Variants in CCDC170 observed in about 807,000 individuals in gnomAD.
The protein encoded by CCDC170 is coiled-coil domain containing 170, also known as coiled-coil domain-containing protein 170.
Under a neutral mutation model 72.6 loss-of-function variants are expected in CCDC170, and 69 were observed. The observed-to-expected ratio is 0.95, with a 90% CI of 0.78 to 1.16. The LOEUF (loss-of-function observed/expected upper bound fraction) is 1.16, where lower values mean the gene tolerates loss of function less well. CCDC170 is among the 50% of genes most tolerant of loss of function. The pLI, the probability that CCDC170 is intolerant of heterozygous loss-of-function variation, is 0.00. For missense variants in CCDC170, 852 were observed against 832.5 expected, an observed-to-expected ratio of 1.02 and a Z score of -0.29; for synonymous variants, 300 against 303.9, an observed-to-expected ratio of 0.99 and a Z score of 0.13.
At chr6:151,600,718 G>T (rs865965037) in intron 9 of CCDC170, among the ~76,000 whole-genome samples, 7 of 150,712 alleles carry the variant, frequency 4.6e-5, no homozygotes, top group Admixed American at 6.6e-5. Flanking sequence ...CATTTCTATG[G>T]TTTTTTTTTA....
Position 151,593,195 on chromosome 6 carries a change from T to A in CCDC170, c.1382T>A (p.Val461Asp). ...GGCTTTGACATGCGGCTGGACGTGG[T>A]TTTAGCTCGAACAGAGCAGCTGGTT... ...ELGFDMRLDV[V>D]LARTEQLVRL... The change falls in exon 8 of 11, where the codon GTT becomes GAT. Residue 461 changes from valine (V) to aspartate (D), a missense_variant. Transcript: ENST00000239374. The A allele has an allele frequency of 6.2e-7, 1 of 1,614,142 alleles. No homozygotes were observed. Among genetic ancestry groups the A allele is most frequent in the Non-Finnish European group, 8.5e-7 (1 of 1,180,012 alleles).
At chr6:151,501,739 A>G (rs888231913) in intron 1 of CCDC170, among the ~76,000 whole-genome samples, 1 of 152,166 alleles carries the variant, frequency 6.6e-6, no homozygotes, top group Non-Finnish European at 1.5e-5. Context: ...ACCAAATATA[A>G]TGTGTAGTGT....
intron 1 of CCDC170, among the ~76,000 whole-genome samples, chr6:151,519,066 A>G (rs1370586301): frequency 1.3e-5 from 2 of 152,210 alleles, no homozygotes; most frequent in African/African-American, 4.8e-5. Flanking sequence ...ACAGGGCTCA[A>G]GAGCAGAGAA....
Position 151,539,618 on chromosome 6 carries a change from C to A in CCDC170, c.443+1317C>A, listed in dbSNP as rs181576866. Among the ~76,000 whole-genome samples, 148 of 152,302 alleles carry A rather than the reference C, an allele frequency of 9.7e-4. 1 individual carries two copies. The highest frequency in any genetic ancestry group is 3.4e-3 in the Middle Eastern group (1 of 294). On this transcript the variant is annotated intron_variant, in intron 3 of 10. Coordinates refer to ENST00000239374, the MANE Select transcript of CCDC170 (RefSeq NM_025059.4). ...TCTCATTTGTGTCTAAATTTACTCT[C>A]TTGGTGATATCATTTAGTTTCATGG...
rs992555456 is a variant in CCDC170 at position 151,592,634 on chromosome 6, A to G, written c.1294-473A>G. On this transcript the variant is annotated intron_variant, in intron 7 of 10. Coordinates refer to ENST00000239374, the MANE Select transcript of CCDC170 (RefSeq NM_025059.4). ...TGCGGGAAACTGCCCCCATGATTCA[A>G]TTATCTTCCACTAGGTCCCTCCCAC... 3.3e-5 allele frequency among the ~76,000 whole-genome samples: 5 copies of G among 152,222 alleles called. 1 individual carries two copies. The highest frequency in any genetic ancestry group is 3.3e-4 in the Admixed American group (5 of 15,302).
chr6:151,502,996 C>T (rs1425662275), intron 1 of CCDC170, among the ~76,000 whole-genome samples: 4 of 152,036 alleles, frequency 2.6e-5, no homozygotes, highest in South Asian at 2.1e-4. Context: ...GGTGAAACCC[C>T]GTCTCTACTA....
chr6:151,601,909 A>G (rs76899931), intron 9 of CCDC170, among the ~76,000 whole-genome samples: 8,703 of 152,316 alleles, frequency 0.057, 300 homozygotes, highest in South Asian at 0.094. Flanking sequence ...AAAATTAACC[A>G]TCATAATTCC....
intron 1 of CCDC170, among the ~76,000 whole-genome samples, chr6:151,528,734 A>G (rs573849049): frequency 6.7e-6 from 1 of 149,606 alleles, no homozygotes; most frequent in African/African-American, 2.5e-5. Context: ...GCTACTTGGG[A>G]GGCTGAGGCA....
At chr6:151,614,661 T>G (rs1583053075) in intron 9 of CCDC170, among the ~76,000 whole-genome samples, 1 of 148,468 alleles carries the variant, frequency 6.7e-6, no homozygotes, top group African/African-American at 2.5e-5. Context: ...GTAGAGATGG[T>G]GTTTCACCAT....
intron 5 of CCDC170, among the ~76,000 whole-genome samples, chr6:151,572,649 G>GGTTTTTTTTTTTTTTTTTTT (rs1776234680): frequency 7.9e-5 from 3 of 37,988 alleles, no homozygotes; most frequent in African/African-American, 3.7e-4. Flanking sequence ...CCTTCTCTGT[G>GGTTTTTTTTTTTTTTTTTTT]TTTTTTTTTT....
intron 7 of CCDC170, among the ~76,000 whole-genome samples, chr6:151,586,945 C>T (rs184026059): frequency 1.6e-4 from 24 of 151,816 alleles, no homozygotes; most frequent in African/African-American, 2.4e-4. Context: ...CCACCACGCC[C>T]GGCTAATTTT....
chr6:151,589,903 G>A (rs1475381416), intron 7 of CCDC170, among the ~76,000 whole-genome samples: 1 of 152,012 alleles, frequency 6.6e-6, no homozygotes, highest in African/African-American at 2.4e-5. Flanking sequence ...AGCCTTCTGG[G>A]AGTGGCAGGA....
chr6:151,571,564 C>T (rs1033944632), intron 5 of CCDC170, among the ~76,000 whole-genome samples: 2 of 152,120 alleles, frequency 1.3e-5, no homozygotes, highest in South Asian at 2.1e-4. Context: ...CCTGTCTCTA[C>T]TAAAAATACA....
At position 151,620,512 on chromosome 6, in the gene CCDC170, A is replaced by G. The variant is rs1777045000; in HGVS notation, c.*2365A>G. 6.6e-6 allele frequency: 1 copy of G among 152,178 alleles called. No homozygotes were observed. The highest frequency in any genetic ancestry group is 1.5e-5 in the Non-Finnish European group (1 of 68,072). The allele number at this position is 152,178 out of a possible 1,614,324, so 9.4% of individuals were successfully genotyped here. ...ACCAACCCCTTTTCACATGCTCCAAAGATGTAGTAGTGTCTGCTGTTTTGG... is the reference window on the plus strand; with the variant it reads ...ACCAACCCCTTTTCACATGCTCCAAGGATGTAGTAGTGTCTGCTGTTTTGG... On this transcript the variant is annotated 3_prime_UTR_variant, in exon 11 of 11. Coordinates refer to ENST00000239374, the MANE Select transcript of CCDC170 (RefSeq NM_025059.4).
At chr6:151,537,948 A>G (rs557887727) in intron 2 of CCDC170, 97 bp from the exon 3 acceptor site, 2 of 1,199,784 alleles carry the variant, frequency 1.7e-6, no homozygotes, top group African/African-American at 1.5e-5. Context: ...CATGAATAAA[A>G]GAGTGAACAT....
At chr6:151,613,739 C>T (rs1226286070) in intron 9 of CCDC170, among the ~76,000 whole-genome samples, 1 of 152,114 alleles carries the variant, frequency 6.6e-6, no homozygotes, top group East Asian at 1.9e-4. Context: ...TTCCATTTGC[C>T]AGCTGATGGC....
At chr6:151,572,513 G>A (rs1402690985) in intron 5 of CCDC170, among the ~76,000 whole-genome samples, 1 of 151,994 alleles carries the variant, frequency 6.6e-6, no homozygotes, top group East Asian at 1.9e-4. Flanking sequence ...TCTACATATG[G>A]ACTGAATCTA....
intron 8 of CCDC170, 67 bp from the exon 9 acceptor site, chr6:151,596,268 G>C (rs1776619988): frequency 6.9e-7 from 1 of 1,445,834 alleles, no homozygotes; most frequent in Non-Finnish European, 9.2e-7. Flanking sequence ...AACATTATCT[G>C]GGTAACTCAT....
intron 9 of CCDC170, among the ~76,000 whole-genome samples, chr6:151,607,959 A>G (rs1776811232): frequency 6.6e-6 from 1 of 152,100 alleles, no homozygotes; most frequent in South Asian, 2.1e-4. Context: ...TCCTTCTGTA[A>G]CTTCCAGTAA....
Sources: allele counts gnomAD v4.1 joint callset (sites outside exome capture counted in the v4.1 genomes callset), GRCh38; gene constraint gnomAD v4.1.1; transcripts MANE v1.5; gene names NCBI Gene and HGNC (gene_info 2026-07-23, HGNC 2026-07-21).